APOL3: variants seen among roughly 807,000 people sequenced by gnomAD.
The protein encoded by APOL3 is apolipoprotein L3.
In APOL3, 14 loss-of-function variants were observed where a neutral mutation model predicts 11.6. The ratio of observed to expected loss-of-function variants is 1.21; its 90% CI spans 0.80 to 1.89. The LOEUF (loss-of-function observed/expected upper bound fraction) is 1.89. Among genes scored for constraint, APOL3 ranks in the 40% most tolerant of loss-of-function variants. The pLI is 0.00. For synonymous variants in APOL3, 192 were observed against 190.6 expected (o/e 1.01, Z -0.06); for missense variants, 483 against 492.1 (o/e 0.98, Z 0.17).
At chr22:36,149,953 C>T in intron 1 of APOL3, 1 of 455,666 alleles carries the variant, frequency 2.2e-6, no homozygotes, top group South Asian at 1.6e-5. Context: ...CCTACAGGTA[C>T]ATACCACCAC....
intron 1 of APOL3, among the ~76,000 whole-genome samples, chr22:36,146,878 T>C (rs2060241129): frequency 6.6e-6 from 1 of 152,116 alleles, no homozygotes; most frequent in Admixed American, 6.5e-5. Flanking sequence ...GATTTGGGAA[T>C]TATGGAACTG....
rs776139454 is a variant in APOL3, at chr22:36,141,417, CGGGTGGTGCCT to C, written c.981_991del (p.Thr329SerfsTer33). 24 of 1,614,052 alleles carry C rather than the reference CGGGTGGTGCCT, an allele frequency of 1.5e-5. No homozygotes were observed. The highest frequency in any genetic ancestry group is 1.9e-5 in the Non-Finnish European group (23 of 1,180,044). ...GATCCGGGCTCCTCTGCTCACTGCCCGGGTGGTGCCTGCAATCGTTCTCTCTGCTTGACCAC... is the reference window on the plus strand; with the variant it reads ...GATCCGGGCTCCTCTGCTCACTGCCCGCAATCGTTCTCTCTGCTTGACCAC... On this transcript the variant is annotated frameshift_variant, in exon 3 of 3. Transcript: ENST00000349314. LOFTEE classifies it low-confidence loss of function (END_TRUNC).
At chr22:36,146,395 A>G (rs1284893778) in intron 1 of APOL3, 2 of 152,142 alleles carry the variant, frequency 1.3e-5, no homozygotes, top group Non-Finnish European at 2.9e-5. Flanking sequence ...GCTTTACACC[A>G]GTGTCTTCAA....
intron 2 of APOL3, among the ~76,000 whole-genome samples, chr22:36,142,486 C>T (rs1044891991): frequency 2.0e-5 from 3 of 152,092 alleles, no homozygotes; most frequent in South Asian, 2.1e-4. Context: ...GAAGAGAGGT[C>T]GTTCTTTTGT....
chr22:36,142,406 G>C (rs754439012), intron 2 of APOL3, among the ~76,000 whole-genome samples: 2 of 152,130 alleles, frequency 1.3e-5, no homozygotes, highest in African/African-American at 4.8e-5. Flanking sequence ...GATGAACAAA[G>C]AGAAGTGGGT....
chr22:36,158,966 C>CAT (rs35603106), intron 1 of APOL3, among the ~76,000 whole-genome samples: 11 of 150,046 alleles, frequency 7.3e-5, no homozygotes, highest in Admixed American at 1.3e-4. Context: ...TGTGAGTGTG[C>CAT]GTGTGTGTGT....
At chr22:36,165,105 C>A (rs1276973146), upstream of APOL3, 6 of 152,100 alleles carry the variant, frequency 3.9e-5, no homozygotes, top group African/African-American at 1.4e-4. Context: ...GCATTCCCCT[C>A]CCTATACACG....
chr22:36,142,061 G>C lies in APOL3; in HGVS notation c.351-3C>G. The C allele has an allele frequency of 6.3e-7, 1 of 1,599,328 alleles. No homozygotes were observed. Among genetic ancestry groups the C allele is most frequent in the South Asian group, 1.1e-5 (1 of 88,292 alleles). On this transcript the variant is annotated splice_polypyrimidine_tract_variant and splice_region_variant and intron_variant, in intron 2 of 2. Coordinates refer to ENST00000349314, the Ensembl canonical transcript of APOL3. ...CGTAGAGAGCATCTGCCTCATCCCT[G>C]TACCAATAAAGGACAGATGATTAAG...
At chr22:36,154,995 G>A (rs187578019) in intron 1 of APOL3, among the ~76,000 whole-genome samples, 114 of 152,142 alleles carry the variant, frequency 7.5e-4, no homozygotes, top group African/African-American at 2.5e-3. Flanking sequence ...GTTCCTTCTC[G>A]CACCCCTTAT....
chr22:36,149,452 A>G, intron 1 of APOL3: 1 of 1,213,888 alleles, frequency 8.2e-7, no homozygotes, highest in Non-Finnish European at 1.1e-6. Context: ...CTATACACCG[A>G]AATAGAGATG....
chr22:36,156,178 T>C (rs1281170780), intron 1 of APOL3: 2 of 153,738 alleles, frequency 1.3e-5, no homozygotes, highest in African/African-American at 4.8e-5. Flanking sequence ...CACTGTAGTG[T>C]TGACGTTCTA....
chr22:36,153,826 C>T (rs2012248375), intron 1 of APOL3, among the ~76,000 whole-genome samples: 1 of 152,170 alleles, frequency 6.6e-6, no homozygotes, highest in South Asian at 2.1e-4. Context: ...TGGGGTGTAG[C>T]TTGATTTTAT....
At chr22:36,156,801 C>A (rs1603475683) in intron 1 of APOL3, 1 of 361,906 alleles carries the variant, frequency 2.8e-6, no homozygotes, top group African/African-American at 2.1e-5. Flanking sequence ...GAGCATCCGG[C>A]AGGGACCCTG....
rs2012185895 is a variant in APOL3, at chr22:36,153,548, G to A, written c.223+7121C>T. The A allele has an allele frequency of 1.6e-5, 6 of 379,258 alleles. No individual in the cohort carries two copies. In the Admixed American group the frequency reaches 1.9e-4, roughly 12 times the overall value. 23.5% of individuals were successfully genotyped at this position (379,258 alleles called of 1,614,324 possible). ...TGGCACCTTGCCACTCAACATACGG[G>A]CTTCTTTTCCACCCAAAGGAACCAA... is the stretch of plus-strand genomic sequence containing the variant. On this transcript the variant is annotated intron_variant, in intron 1 of 2. Coordinates refer to ENST00000349314, the Ensembl canonical transcript of APOL3.
chr22:36,158,560 C>G (rs557271755), intron 1 of APOL3, among the ~76,000 whole-genome samples: 8 of 152,330 alleles, frequency 5.3e-5, no homozygotes, highest in Admixed American at 4.6e-4. Flanking sequence ...TGGCTCATGC[C>G]TGTAATCCCA....
exon 2 of APOL3, chr22:36,145,561 G>C (rs150002450): frequency 5.0e-6 from 8 of 1,613,980 alleles, no homozygotes; most frequent in Non-Finnish European, 6.8e-6. Flanking sequence ...ACTCTCTCCC[G>C]GAAGTATTTG....
At chr22:36,143,372 G>A (rs1488280242) in intron 2 of APOL3, among the ~76,000 whole-genome samples, 6 of 152,316 alleles carry the variant, frequency 3.9e-5, no homozygotes, top group South Asian at 2.1e-4. Flanking sequence ...AACCACAATC[G>A]TGCAATAACA....
intron 1 of APOL3, among the ~76,000 whole-genome samples, chr22:36,145,808 G>T (rs2060179712): frequency 6.6e-6 from 1 of 152,016 alleles, no homozygotes; most frequent in Admixed American, 6.6e-5. Flanking sequence ...TGGAGATTGA[G>T]CCTTTAAGGA....
intron 1 of APOL3, among the ~76,000 whole-genome samples, chr22:36,154,153 T>C (rs1156570839): frequency 6.6e-6 from 1 of 152,218 alleles, no homozygotes; most frequent in Non-Finnish European, 1.5e-5. Context: ...CAGAGAGGCA[T>C]AATGAAGCAT....
Sources: gnomAD v4.1 joint callset for allele counts (sites outside exome capture counted in the v4.1 genomes callset) on GRCh38, gnomAD v4.1.1 for gene constraint, MANE v1.5 for transcripts, NCBI Gene and HGNC (gene_info 2026-07-23, HGNC 2026-07-21) for gene names.